ROBO2: variants seen among roughly 807,000 people sequenced by gnomAD.
ROBO2 encodes roundabout guidance receptor 2.
ROBO2 carries 53 observed loss-of-function variants against 160.8 expected under a neutral mutation model. The ratio of observed to expected loss-of-function variants is 0.33; its 90% CI spans 0.26 to 0.41. The LOEUF (loss-of-function observed/expected upper bound fraction) is 0.41, where lower values mean the gene tolerates loss of function less well. Ranked by LOEUF, ROBO2 falls within the 10% of genes least tolerant of loss-of-function variation. ROBO2 has a pLI of 1.00. For synonymous variants in ROBO2, 664 were observed against 611.7 expected, an observed-to-expected ratio of 1.09 and a Z score of -1.26; for missense variants, 1,577 against 1,722.4, an observed-to-expected ratio of 0.92 and a Z score of 1.49.
chr3:77,560,980 AATGTGTGCACAGCCAC>A (rs2093304005), intron 9 of ROBO2, among the ~76,000 whole-genome samples: 1 of 152,140 alleles, frequency 6.6e-6, no homozygotes, highest in African/African-American at 2.4e-5. Flanking sequence ...TAATGACTAT[AATGTGTGCACAGCCAC>A]ATTTGAAAGA....
At chr3:76,916,381 A>C (rs956490149) in intron 2 of ROBO2, among the ~76,000 whole-genome samples, 1 of 151,998 alleles carries the variant, frequency 6.6e-6, no homozygotes, top group African/African-American at 2.4e-5. Flanking sequence ...TTGCTCTGTC[A>C]CCAAGGTTGG....
At chr3:76,765,743 T>C (rs1200355914) in intron 2 of ROBO2, among the ~76,000 whole-genome samples, 1 of 151,632 alleles carries the variant, frequency 6.6e-6, no homozygotes, top group African/African-American at 2.4e-5. Flanking sequence ...ACATTTCAGA[T>C]GGGTGCAGCC....
At chr3:77,213,732 C>T (rs1560252546) in intron 2 of ROBO2, among the ~76,000 whole-genome samples, 2 of 151,986 alleles carry the variant, frequency 1.3e-5, no homozygotes, top group Non-Finnish European at 2.9e-5. Flanking sequence ...ATAAATTTCC[C>T]TCTACACACT....
chr3:77,074,992 T>G (rs1034423942), intron 1 of ROBO2, among the ~76,000 whole-genome samples: 1 of 152,218 alleles, frequency 6.6e-6, no homozygotes, highest in Non-Finnish European at 1.5e-5. Context: ...TTTGTCGTAT[T>G]ACTTAAAATT....
chr3:76,044,427 C>T (rs1442857182), intron 2 of ROBO2, among the ~76,000 whole-genome samples: 1 of 152,000 alleles, frequency 6.6e-6, no homozygotes, highest in African/African-American at 2.4e-5. Context: ...ATTTATTGGT[C>T]AGAAAACACA....
rs145424251 is a variant in ROBO2, at chr3:77,125,600, G to A, written c.388+27260G>A. Among the ~76,000 whole-genome samples, 775 of 152,170 alleles carry A rather than the reference G, an allele frequency of 5.1e-3. 2 individuals are homozygous for A. The highest frequency in any genetic ancestry group is 0.018 in the African/African-American group (731 of 41,518). On this transcript the variant is annotated intron_variant, in intron 2 of 25. Transcript: ENST00000461745. ...AAGCTACACATCGGTATTTATGTCC[G>A]CGTGCCTGATCAAAAGTGTGATCTG...
chr3:76,403,057 G>A (rs1432801738), intron 2 of ROBO2, among the ~76,000 whole-genome samples: 1 of 151,514 alleles, frequency 6.6e-6, no homozygotes, highest in Non-Finnish European at 1.5e-5. Context: ...TTTGGTGCGT[G>A]ATTCATTCTA....
At chr3:76,214,455 C>T (rs1234756908) in intron 2 of ROBO2, among the ~76,000 whole-genome samples, 1 of 152,200 alleles carries the variant, frequency 6.6e-6, no homozygotes, top group South Asian at 2.1e-4. Context: ...AATCTGGTCA[C>T]TCCCACCCTA....
chr3:77,065,646 T>G (rs1046736815), intron 1 of ROBO2, among the ~76,000 whole-genome samples: 1 of 152,264 alleles, frequency 6.6e-6, no homozygotes, highest in East Asian at 1.9e-4. Context: ...TGGCCCAAAT[T>G]TAAACATTTC....
chr3:76,173,922 C>T (rs1019488646), intron 2 of ROBO2, among the ~76,000 whole-genome samples: 2 of 152,130 alleles, frequency 1.3e-5, no homozygotes, highest in Non-Finnish European at 2.9e-5. Flanking sequence ...GGTTCTAGAT[C>T]CTTGAGGAAT....
At chr3:76,623,158 C>G (rs943293596) in intron 2 of ROBO2, among the ~76,000 whole-genome samples, 1 of 152,174 alleles carries the variant, frequency 6.6e-6, no homozygotes, top group Non-Finnish European at 1.5e-5. Context: ...GGCTTAAATA[C>G]TTTTTCAGTA....
intron 2 of ROBO2, among the ~76,000 whole-genome samples, chr3:77,148,309 T>C (rs1259541218): frequency 6.6e-6 from 1 of 152,198 alleles, no homozygotes; most frequent in Admixed American, 6.5e-5. Flanking sequence ...AATATTGTGA[T>C]GGCTGTTTAA....
chr3:76,521,512 T>C (rs2081617822), intron 2 of ROBO2, among the ~76,000 whole-genome samples: 1 of 152,160 alleles, frequency 6.6e-6, no homozygotes, highest in African/African-American at 2.4e-5. Context: ...AACAGATTTA[T>C]CTGGGTCCAA....
Position 76,837,786 on chromosome 3 carries a change from G to A in ROBO2, c.110-260228G>A, listed in dbSNP as rs556091214. On this transcript the variant is annotated intron_variant, in intron 2 of 26. Transcript: ENST00000487694. ...AGTATAGTTATGAAATTCAGGATAC[G>A]TAACATTTGTGCCATACTATCTAAT... Among the ~76,000 whole-genome samples, 4 of 151,920 alleles carry A rather than the reference G, an allele frequency of 2.6e-5. No homozygotes were observed. The East Asian group carries it at 5.8e-4, about 22-fold the overall frequency.
intron 2 of ROBO2, among the ~76,000 whole-genome samples, chr3:76,055,491 C>G (rs1044123614): frequency 6.6e-6 from 1 of 152,122 alleles, no homozygotes; most frequent in Non-Finnish European, 1.5e-5. Context: ...CCCTCATTCC[C>G]CTGTCGCCCT....
intron 1 of ROBO2, among the ~76,000 whole-genome samples, chr3:77,061,847 G>A (rs73843464): frequency 0.15 from 22,109 of 152,100 alleles, 1,822 homozygotes; most frequent in African/African-American, 0.21. Context: ...CAGGAATACC[G>A]TTTATTATTC....
intron 2 of ROBO2, among the ~76,000 whole-genome samples, chr3:75,955,860 T>A (rs1450170239): frequency 6.6e-6 from 1 of 151,802 alleles, no homozygotes; most frequent in Non-Finnish European, 1.5e-5. Flanking sequence ...TCACTCTCAC[T>A]GTGCCCTTTC....
chr3:77,028,240 C>T (rs1159341386), intron 2 of ROBO2, among the ~76,000 whole-genome samples: 1 of 152,106 alleles, frequency 6.6e-6, no homozygotes, highest in Non-Finnish European at 1.5e-5. Flanking sequence ...AATGAGTCCA[C>T]ACAGTATGTA....
intron 1 of ROBO2, among the ~76,000 whole-genome samples, chr3:77,057,166 A>G (rs528411396): frequency 4.6e-5 from 7 of 152,294 alleles, no homozygotes; most frequent in African/African-American, 1.7e-4. Flanking sequence ...TTGTAGGGAA[A>G]TGGATGAAGC....
Sources: gnomAD v4.1 joint callset for allele counts (sites outside exome capture counted in the v4.1 genomes callset) on GRCh38, gnomAD v4.1.1 for gene constraint, MANE v1.5 for transcripts, NCBI Gene and HGNC (gene_info 2026-07-23, HGNC 2026-07-21) for gene names.